ARHGAP15: variants seen among roughly 807,000 people sequenced by gnomAD.
ARHGAP15 encodes the protein rho GTPase-activating protein 15.
ARHGAP15 carries 51 observed loss-of-function variants against 63.7 expected under a neutral mutation model. That is an observed-to-expected ratio of 0.80 (90% CI 0.64 to 1.01). ARHGAP15 has a LOEUF of 1.01. ARHGAP15 is among the 50% of genes least tolerant of loss of function. ARHGAP15 has a pLI of 0.00. For synonymous variants in ARHGAP15, 191 were observed against 193.8 expected (o/e 0.99, Z 0.12); for missense variants, 560 against 564.6 (o/e 0.99, Z 0.08).
At chr2:143,297,585 C>G (rs980864302) in intron 6 of ARHGAP15, among the ~76,000 whole-genome samples, 2 of 151,958 alleles carry the variant, frequency 1.3e-5, no homozygotes, top group African/African-American at 4.8e-5. Flanking sequence ...TGGTGATCTT[C>G]TCTCTTACAG....
chr2:143,343,193 T>C (rs2105291641), intron 6 of ARHGAP15, among the ~76,000 whole-genome samples: 1 of 152,176 alleles, frequency 6.6e-6, no homozygotes, highest in South Asian at 2.1e-4. Context: ...AGGAAAATCA[T>C]ATTTAATCTG....
intron 11 of ARHGAP15, among the ~76,000 whole-genome samples, chr2:143,610,003 T>G (rs1443937256): frequency 2.6e-5 from 4 of 151,866 alleles, no homozygotes; most frequent in Non-Finnish European, 4.4e-5. Context: ...AGGAGGTGGG[T>G]GGGTATGATA....
chr2:143,350,539 G>T (rs1685511157), intron 6 of ARHGAP15, among the ~76,000 whole-genome samples: 1 of 151,554 alleles, frequency 6.6e-6, no homozygotes, highest in South Asian at 2.1e-4. Flanking sequence ...TATTTTGTGG[G>T]CTGGGTGTGG....
chr2:143,340,730 G>A (rs1395208184), intron 6 of ARHGAP15, among the ~76,000 whole-genome samples: 2 of 151,982 alleles, frequency 1.3e-5, no homozygotes, highest in African/African-American at 2.4e-5. Context: ...TCTGAAAGAA[G>A]GCAACTTTGG....
At chr2:143,601,853 TC>T (rs1193032078) in intron 11 of ARHGAP15, among the ~76,000 whole-genome samples, 1 of 152,208 alleles carries the variant, frequency 6.6e-6, no homozygotes, top group Non-Finnish European at 1.5e-5. Context: ...CTATGTGCCT[TC>T]ACTTAACAAT....
chr2:143,575,168 G>A (rs1479436281), intron 11 of ARHGAP15, among the ~76,000 whole-genome samples: 1 of 152,090 alleles, frequency 6.6e-6, no homozygotes. Context: ...CTCCCTATAT[G>A]TGTAAGTACT....
chr2:143,429,033 T>A (rs535661416), intron 6 of ARHGAP15, among the ~76,000 whole-genome samples: 16 of 152,276 alleles, frequency 1.1e-4, no homozygotes, highest in African/African-American at 3.6e-4. Context: ...ACTGCTTTGA[T>A]TAGTCTCTTT....
At chr2:143,721,138 G>A (rs1469256986) in intron 13 of ARHGAP15, among the ~76,000 whole-genome samples, 1 of 150,912 alleles carries the variant, frequency 6.6e-6, no homozygotes, top group Non-Finnish European at 1.5e-5. Flanking sequence ...CAGAGAACAA[G>A]CTCCCAGGTG....
chr2:143,387,303 C>T (rs1687327503), intron 6 of ARHGAP15, among the ~76,000 whole-genome samples: 1 of 152,026 alleles, frequency 6.6e-6, no homozygotes, highest in Non-Finnish European at 1.5e-5. Flanking sequence ...ATCTGATGTC[C>T]TGATACCACT....
intron 6 of ARHGAP15, among the ~76,000 whole-genome samples, chr2:143,405,758 T>A (rs1688173868): frequency 6.6e-6 from 1 of 151,888 alleles, no homozygotes; most frequent in African/African-American, 2.4e-5. Context: ...AGTGCTTGGG[T>A]AATGCTTCAT....
At chr2:143,228,749 C>A in intron 5 of ARHGAP15, 81 bp downstream of exon 5, 2 of 989,956 alleles carry the variant, frequency 2.0e-6, no homozygotes, top group Non-Finnish European at 2.9e-6. Context: ...TCAGAAATCA[C>A]ACTAAAACCT....
In ARHGAP15 at chr2:143,369,894, T is replaced by G. The variant is rs1246616640; in HGVS notation, c.475-65707T>G. On this transcript the variant is annotated intron_variant, in intron 6 of 13. Transcript: ENST00000295095. The stretch of plus-strand genomic sequence containing the variant: ...ACTGAAAATTGAATTTCCAGGAAGT[T>G]ATATAATTTGCCCAATATTTCTCCC... Among the ~76,000 whole-genome samples the G allele has an allele frequency of 2.6e-5, 4 of 152,138 alleles. No individual in the cohort carries two copies. In the South Asian group the frequency reaches 8.3e-4, roughly 31 times the overall value.
At chr2:143,624,396 C>T (rs556758377) in intron 12 of ARHGAP15, 129 bp downstream of exon 12, 162 of 1,093,390 alleles carry the variant, frequency 1.5e-4, no homozygotes, top group African/African-American at 1.9e-4. Context: ...CCATATCTTA[C>T]GTTTTCGTTT....
At chr2:143,728,760 T>C (rs1685400414) in intron 13 of ARHGAP15, among the ~76,000 whole-genome samples, 1 of 152,152 alleles carries the variant, frequency 6.6e-6, no homozygotes, top group Non-Finnish European at 1.5e-5. Context: ...GGGACCCCGG[T>C]CTAGAGGCAT....
At chr2:143,199,550 T>C (rs1347681288) in intron 2 of ARHGAP15, among the ~76,000 whole-genome samples, 2 of 152,036 alleles carry the variant, frequency 1.3e-5, no homozygotes, top group Admixed American at 6.6e-5. Flanking sequence ...CGTAGGGCCT[T>C]GTTCATTGTT....
At chr2:143,446,059 C>A (rs1422807421) in intron 8 of ARHGAP15, among the ~76,000 whole-genome samples, 1 of 151,388 alleles carries the variant, frequency 6.6e-6, no homozygotes, top group Non-Finnish European at 1.5e-5. Flanking sequence ...AATTTGAGTA[C>A]AGTTCTTAAC....
intron 13 of ARHGAP15, among the ~76,000 whole-genome samples, chr2:143,760,347 G>A (rs899204141): frequency 6.6e-6 from 1 of 152,138 alleles, no homozygotes; most frequent in South Asian, 2.1e-4. Flanking sequence ...GTAACAAACA[G>A]TAACTACTGT....
chr2:143,509,527 G>GT (rs1409874352), intron 9 of ARHGAP15, among the ~76,000 whole-genome samples: 1 of 152,142 alleles, frequency 6.6e-6, no homozygotes, highest in Non-Finnish European at 1.5e-5. Context: ...ATTCTGTCGT[G>GT]TTTTAGCATT....
intron 2 of ARHGAP15, among the ~76,000 whole-genome samples, chr2:143,164,301 A>G (rs926675554): frequency 3.3e-5 from 5 of 152,056 alleles, no homozygotes; most frequent in African/African-American, 1.2e-4. Context: ...GATAAGCAGA[A>G]CCATCTCCAA....
Sources: allele counts gnomAD v4.1 joint callset (sites outside exome capture counted in the v4.1 genomes callset), GRCh38; gene constraint gnomAD v4.1.1; transcripts MANE v1.5; gene names NCBI Gene and HGNC (gene_info 2026-07-23, HGNC 2026-07-21).